Variants in CCDC63 observed in about 807,000 individuals in gnomAD.
CCDC63 encodes the protein coiled-coil domain-containing protein 63.
A neutral mutation model predicts 63.6 loss-of-function variants in CCDC63; 54 were observed. The observed-to-expected ratio is 0.85, with a 90% CI of 0.68 to 1.07. CCDC63 has a LOEUF of 1.07. Ranked by LOEUF, CCDC63 falls within the 50% of genes least tolerant of loss-of-function variation. The pLI is 0.00. For synonymous variants in CCDC63, 253 were observed against 266.1 expected, an observed-to-expected ratio of 0.95 and a Z score of 0.48; for missense variants, 637 against 689.6, an observed-to-expected ratio of 0.92 and a Z score of 0.86.
In CCDC63 at chr12:110,891,562, G is replaced by A. The variant is rs192074625; in HGVS notation, c.1075-1514G>A. The stretch of plus-strand genomic sequence containing the variant: ...CTTGAGAGGCTGAGATGGGAGGATC[G>A]CAGTCAAGGCTTCAGTGAGCCGTGA... On this transcript the variant is annotated intron_variant, in intron 8 of 11. Transcript: ENST00000308208. Among the ~76,000 whole-genome samples, 168 of 145,518 alleles carry A rather than the reference G, an allele frequency of 1.2e-3. 1 individual carries two copies. Among genetic ancestry groups the A allele is most frequent in the African/African-American group, 4.2e-3 (164 of 38,914 alleles).
intron 11 of CCDC63, among the ~76,000 whole-genome samples, chr12:110,905,195 C>A (rs968927515): frequency 6.6e-6 from 1 of 152,082 alleles, no homozygotes; most frequent in Non-Finnish European, 1.5e-5. Flanking sequence ...CACCTATGAC[C>A]ACCCTTTCCC....
At chr12:110,881,930 A>C (rs1384866121) in intron 7 of CCDC63, among the ~76,000 whole-genome samples, 1 of 152,184 alleles carries the variant, frequency 6.6e-6, no homozygotes, top group Non-Finnish European at 1.5e-5. Context: ...AATTTACAGC[A>C]TGTGTCTTCA....
chr12:110,853,690 C>T, intron 3 of CCDC63, 116 bp downstream of exon 3: 1 of 1,096,246 alleles, frequency 9.1e-7, no homozygotes, highest in Non-Finnish European at 1.4e-6. Flanking sequence ...CTCTGAGCCC[C>T]ATTGGAGGAT....
At chr12:110,859,067 A>T (rs2070817180) in intron 4 of CCDC63, among the ~76,000 whole-genome samples, 1 of 152,104 alleles carries the variant, frequency 6.6e-6, no homozygotes, top group African/African-American at 2.4e-5. Flanking sequence ...AGGCTTGGTT[A>T]TGCTGCAGGA....
intron 8 of CCDC63, 58 bp downstream of exon 8, chr12:110,884,308 A>G (rs2071250622): frequency 2.1e-6 from 3 of 1,412,602 alleles, no homozygotes; most frequent in South Asian, 1.2e-5. Flanking sequence ...CAGCCTTTCC[A>G]GGGCAGTCTC....
intron 4 of CCDC63, among the ~76,000 whole-genome samples, chr12:110,869,126 C>G (rs978840991): frequency 6.6e-6 from 1 of 152,190 alleles, no homozygotes; most frequent in African/African-American, 2.4e-5. Flanking sequence ...CAACTGCTTG[C>G]AGAATTCACC....
At chr12:110,865,000 T>C (rs1189664469) in intron 4 of CCDC63, among the ~76,000 whole-genome samples, 1 of 152,200 alleles carries the variant, frequency 6.6e-6, no homozygotes, top group Non-Finnish European at 1.5e-5. Context: ...AGATGTACCC[T>C]GTCCTCCAAT....
At chr12:110,899,912 C>CA (rs2071465633) in intron 10 of CCDC63, among the ~76,000 whole-genome samples, 1 of 151,872 alleles carries the variant, frequency 6.6e-6, no homozygotes, top group South Asian at 2.1e-4. Flanking sequence ...AAGACATCTA[C>CA]AAAAAACCAC....
intron 1 of CCDC63, among the ~76,000 whole-genome samples, chr12:110,847,566 G>GAAA (rs60968677): frequency 1.4e-5 from 2 of 146,792 alleles, no homozygotes; most frequent in Admixed American, 6.8e-5. Context: ...CTCAAAAAAG[G>GAAA]AAAAAAAAAA....
chr12:110,893,065 C>G lies in CCDC63; in HGVS notation c.1075-11C>G, dbSNP rs1164236249. ...CCACTTTTCCTCATGGTCTTGTTCTCTCCCGAGCAGGACGAGATCATCCTC... is the reference window on the plus strand; with the variant it reads ...CCACTTTTCCTCATGGTCTTGTTCTGTCCCGAGCAGGACGAGATCATCCTC... On this transcript the variant is annotated splice_polypyrimidine_tract_variant and intron_variant, in intron 8 of 11. Transcript: ENST00000308208. 6.2e-7 allele frequency: 1 copy of G among 1,613,536 alleles called. No individual in the cohort carries two copies. The highest frequency in any genetic ancestry group is 1.3e-5 in the African/African-American group (1 of 75,040).
At chr12:110,847,656 AAC>A (rs921895110) in intron 1 of CCDC63, among the ~76,000 whole-genome samples, 1 of 151,920 alleles carries the variant, frequency 6.6e-6, no homozygotes, top group Non-Finnish European at 1.5e-5. Context: ...AAACAAGAAA[AAC>A]AACAACAACA....
At chr12:110,847,217 G>C (rs2339636) in intron 1 of CCDC63, 112 bp downstream of exon 1, 83,230 of 152,066 alleles carry the variant, frequency 0.55, 23,871 homozygotes, top group East Asian at 0.64. Context: ...TGCCCTAAGC[G>C]TTGAAAGTAT....
chr12:110,905,985 ATATTAT>A (rs1188680052), intron 11 of CCDC63, among the ~76,000 whole-genome samples: 7 of 51,352 alleles, frequency 1.4e-4, no homozygotes, highest in Non-Finnish European at 2.3e-4. Flanking sequence ...AATATATATT[ATATTAT>A]TATAATATAT....
intron 4 of CCDC63, among the ~76,000 whole-genome samples, chr12:110,867,085 C>T (rs1424492672): frequency 1.4e-5 from 2 of 141,856 alleles, no homozygotes; most frequent in South Asian, 2.3e-4. Flanking sequence ...GCAGAGGCAC[C>T]CCTCACCTCC....
chr12:110,902,766 G>A lies in CCDC63; in HGVS notation c.1343-1822G>A, dbSNP rs1333421211. 6.6e-5 allele frequency among the ~76,000 whole-genome samples: 10 copies of A among 152,054 alleles called. 1 individual carries two copies. ...AGAGTCTCACTCTGTTGCCCAGGTG[G>A]AAGTGCAGTGGCACAATCTTGGCTC... On this transcript the variant is annotated intron_variant, in intron 10 of 11. Transcript: ENST00000308208.
At chr12:110,891,311 A>AAAACAAAC (rs140894091) in intron 8 of CCDC63, among the ~76,000 whole-genome samples, 30 of 150,478 alleles carry the variant, frequency 2.0e-4, no homozygotes, top group African/African-American at 5.9e-4. Flanking sequence ...AGCTTGTCTC[A>AAAACAAAC]AAACAAACAA....
At chr12:110,878,512 A>G (rs2071161053) in intron 5 of CCDC63, among the ~76,000 whole-genome samples, 1 of 152,028 alleles carries the variant, frequency 6.6e-6, no homozygotes, top group Non-Finnish European at 1.5e-5. Context: ...ACGGGGTTTC[A>G]CCATGTTGGC....
intron 4 of CCDC63, among the ~76,000 whole-genome samples, chr12:110,867,361 C>A (rs1417405553): frequency 3.3e-5 from 4 of 122,832 alleles, no homozygotes; most frequent in East Asian, 2.6e-4. Context: ...CTGACCCCCC[C>A]ACCTCCCTCC....
intron 8 of CCDC63, among the ~76,000 whole-genome samples, chr12:110,884,950 C>T (rs1490029288): frequency 6.6e-6 from 1 of 151,044 alleles, no homozygotes; most frequent in Non-Finnish European, 1.5e-5. Flanking sequence ...CCACCTGCCT[C>T]AGCCTCCCAA....
Sources: gnomAD v4.1 joint callset for allele counts (sites outside exome capture counted in the v4.1 genomes callset) on GRCh38, gnomAD v4.1.1 for gene constraint, MANE v1.5 for transcripts, NCBI Gene and HGNC (gene_info 2026-07-23, HGNC 2026-07-21) for gene names.